VGLL4: variants seen among roughly 807,000 people sequenced by gnomAD.
VGLL4 encodes vestigial like family member 4.
VGLL4 carries 7 observed loss-of-function variants against 21.0 expected under a neutral mutation model. The ratio of observed to expected loss-of-function variants is 0.33; its 90% confidence interval spans 0.19 to 0.63. The LOEUF (loss-of-function observed/expected upper bound fraction) is 0.63, where lower values mean the gene tolerates loss of function less well. Among genes scored for constraint, VGLL4 ranks in the 20% least tolerant of loss-of-function variants. The probability of loss-of-function intolerance (pLI) is 0.78; values close to 1 mark genes in which losing one functional copy is unlikely to be tolerated. For synonymous variants in VGLL4, 222 were observed against 173.2 expected (o/e 1.28, Z -2.21); for missense variants, 394 against 425.7 (o/e 0.93, Z 0.66).
intron 2 of VGLL4, among the ~76,000 whole-genome samples, chr3:11,665,923 A>T (rs2076116659): frequency 6.6e-6 from 1 of 152,190 alleles, no homozygotes. Flanking sequence ...CTGAGTGACG[A>T]CAGGAAGGGA....
chr3:11,701,920 G>A (rs925146553), intron 2 of VGLL4, among the ~76,000 whole-genome samples: 6 of 152,112 alleles, frequency 3.9e-5, no homozygotes, highest in African/African-American at 1.4e-4. Flanking sequence ...GAACAAGAAC[G>A]TTTAAAAATA....
intron 2 of VGLL4, among the ~76,000 whole-genome samples, chr3:11,659,043 T>C (rs370113823): frequency 2.5e-4 from 38 of 152,064 alleles, no homozygotes; most frequent in African/African-American, 8.5e-4. Context: ...CCAATATATA[T>C]ACAATTTCCA....
At chr3:11,714,233 G>A (rs998776216) in intron 1 of VGLL4, among the ~76,000 whole-genome samples, 1 of 152,158 alleles carries the variant, frequency 6.6e-6, no homozygotes, top group Non-Finnish European at 1.5e-5. Flanking sequence ...AATTCTTACT[G>A]CTGGCTGAAG....
intron 2 of VGLL4, among the ~76,000 whole-genome samples, chr3:11,584,292 G>A (rs893381039): frequency 1.3e-5 from 2 of 151,932 alleles, no homozygotes; most frequent in East Asian, 1.9e-4. Context: ...AAATGCAAAC[G>A]GCCAATAAGG....
intron 1 of VGLL4, among the ~76,000 whole-genome samples, chr3:11,709,098 A>C (rs186047194): frequency 6.6e-6 from 1 of 151,966 alleles, no homozygotes; most frequent in East Asian, 1.9e-4. Context: ...AAATGCTGAC[A>C]CCTGGAACAT....
chr3:11,608,384 G>GT (rs138351540), intron 1 of VGLL4, among the ~76,000 whole-genome samples: 1,532 of 152,276 alleles, frequency 0.01, 22 homozygotes, highest in African/African-American at 0.033. Context: ...AACTCCTGTG[G>GT]TTTTTTGGCA....
chr3:11,667,775 A>G (rs2076147555), intron 2 of VGLL4, among the ~76,000 whole-genome samples: 1 of 151,734 alleles, frequency 6.6e-6, no homozygotes, highest in African/African-American at 2.4e-5. Context: ...TACAATTAAC[A>G]AACGTTCCTT....
chr3:11,571,744 T>C (rs1251547300), intron 2 of VGLL4, among the ~76,000 whole-genome samples: 1 of 152,218 alleles, frequency 6.6e-6, no homozygotes, highest in Admixed American at 6.5e-5. Flanking sequence ...ATCAACTCCA[T>C]GGACCCGGCA....
At chr3:11,644,920 T>C (rs1237230398), upstream of VGLL4, among the ~76,000 whole-genome samples, 1 of 144,712 alleles carries the variant, frequency 6.9e-6, no homozygotes, top group Non-Finnish European at 1.5e-5. Context: ...TTTAAGCAAA[T>C]AGGGCTATAA....
chr3:11,673,705 A>C (rs558176500), intron 2 of VGLL4, among the ~76,000 whole-genome samples: 26 of 152,226 alleles, frequency 1.7e-4, no homozygotes, highest in Middle Eastern at 3.4e-3. Context: ...AAAACTGGTC[A>C]CACACCAGCA....
Position 11,608,649 on chromosome 3 carries a change from G to A in VGLL4, c.83-6627C>T, listed in dbSNP as rs376181452. 6.6e-5 allele frequency among the ~76,000 whole-genome samples: 10 copies of A among 152,302 alleles called. No homozygotes were observed. In the East Asian group the frequency reaches 9.6e-4, roughly 15 times the overall value. ...GAGGGGAGGAGAACAGGGAGGAACC[G>A]TGGAAAATGTAACCCCACTGTAATC... On this transcript the variant is annotated intron_variant, in intron 1 of 4. Transcript: ENST00000430365.
chr3:11,561,540 C>T (rs1430546399), intron 3 of VGLL4, among the ~76,000 whole-genome samples: 1 of 152,200 alleles, frequency 6.6e-6, no homozygotes, highest in Non-Finnish European at 1.5e-5. Context: ...TCCACCACCC[C>T]TCCTCCCCAG....
intron 3 of VGLL4, among the ~76,000 whole-genome samples, chr3:11,562,878 C>T (rs1471251054): frequency 6.6e-6 from 1 of 152,170 alleles, no homozygotes; most frequent in Non-Finnish European, 1.5e-5. Context: ...GCTGGGGGGT[C>T]GAGGTTCTTC....
chr3:11,667,431 A>C (rs924569607), intron 2 of VGLL4, among the ~76,000 whole-genome samples: 1 of 152,234 alleles, frequency 6.6e-6, no homozygotes, highest in Non-Finnish European at 1.5e-5. Context: ...ATATTAGGTA[A>C]ATTGTGACAT....
At chr3:11,601,794 G>T (rs370593963) in intron 2 of VGLL4, 39 bp downstream of exon 2, 14 of 1,607,714 alleles carry the variant, frequency 8.7e-6, no homozygotes, top group Non-Finnish European at 1.1e-5. Context: ...GCCCCAGCAC[G>T]GAGCACCCTT....
At chr3:11,607,139 C>T (rs1244973694) in intron 1 of VGLL4, 2 of 152,146 alleles carry the variant, frequency 1.3e-5, no homozygotes, top group African/African-American at 2.4e-5. Flanking sequence ...CTTGTACATG[C>T]ATGTTCATAG....
At chr3:11,699,859 C>T (rs2076655359) in intron 2 of VGLL4, among the ~76,000 whole-genome samples, 1 of 152,036 alleles carries the variant, frequency 6.6e-6, no homozygotes, top group Non-Finnish European at 1.5e-5. Flanking sequence ...AGTCTATTTT[C>T]TGATTGTTAG....
In VGLL4 at chr3:11,597,852, G is replaced by A. The variant is rs573388951; in HGVS notation, c.272+3981C>T. 1.1e-4 allele frequency among the ~76,000 whole-genome samples: 17 copies of A among 152,082 alleles called. No homozygotes were observed. The South Asian group carries it at 1.7e-3, about 15-fold the overall frequency. ...ACCCAGACCAAACCCCTGGTGGTTCGGTAACAATATCAACAAAAAAATTAA... is the reference window on the plus strand; with the variant it reads ...ACCCAGACCAAACCCCTGGTGGTTCAGTAACAATATCAACAAAAAAATTAA... On this transcript the variant is annotated intron_variant, in intron 2 of 4. Transcript: ENST00000430365.
intron 1 of VGLL4, among the ~76,000 whole-genome samples, chr3:11,711,023 C>A (rs2076834727): frequency 6.6e-6 from 1 of 151,282 alleles, no homozygotes; most frequent in Non-Finnish European, 1.5e-5. Flanking sequence ...TCACTCGAAC[C>A]CGGGAGGCGG....
Sources: gnomAD v4.1 joint callset for allele counts (sites outside exome capture counted in the v4.1 genomes callset) on GRCh38, gnomAD v4.1.1 for gene constraint, MANE v1.5 for transcripts, NCBI Gene and HGNC (gene_info 2026-07-23, HGNC 2026-07-21) for gene names.